Variants in JAZF1 observed in about 807,000 individuals in gnomAD.
JAZF1 encodes JAZF zinc finger 1, also known as juxtaposed with another zinc finger protein 1.
Under a neutral mutation model 26.4 loss-of-function variants are expected in JAZF1, and 8 were observed. The observed-to-expected ratio is 0.30, with a 90% CI of 0.18 to 0.55. The LOEUF is 0.55. Ranked by LOEUF, JAZF1 falls within the 20% of genes least tolerant of loss-of-function variation. JAZF1 has a pLI of 0.94. For missense variants in JAZF1, 199 were observed against 322.0 expected, an observed-to-expected ratio of 0.62 and a Z score of 2.92; for synonymous variants, 126 against 122.3, an observed-to-expected ratio of 1.03 and a Z score of -0.20.
At chr7:27,978,015 ATTAT>A (rs1444675890) in intron 2 of JAZF1, among the ~76,000 whole-genome samples, 1 of 152,204 alleles carries the variant, frequency 6.6e-6, no homozygotes, top group Non-Finnish European at 1.5e-5. Flanking sequence ...TGGAAATTTA[ATTAT>A]TTAAATATTT....
intron 2 of JAZF1, among the ~76,000 whole-genome samples, chr7:27,930,609 G>T (rs1438690755): frequency 6.6e-6 from 1 of 152,124 alleles, no homozygotes; most frequent in Non-Finnish European, 1.5e-5. Context: ...TTGGTTTTGT[G>T]ATATATTTTT....
chr7:28,037,999 C>T (rs931115149), intron 1 of JAZF1, among the ~76,000 whole-genome samples: 3 of 152,096 alleles, frequency 2.0e-5, no homozygotes, highest in African/African-American at 7.2e-5. Flanking sequence ...ATTTTCATTG[C>T]CAACATCACA....
intron 2 of JAZF1, among the ~76,000 whole-genome samples, chr7:27,927,768 T>C (rs369477716): frequency 1.3e-5 from 2 of 152,174 alleles, no homozygotes; most frequent in African/African-American, 2.4e-5. Context: ...ATGGTAGATA[T>C]GGTAATGCTG....
intron 1 of JAZF1, among the ~76,000 whole-genome samples, chr7:28,095,618 C>A (rs1220154269): frequency 1.3e-5 from 2 of 152,164 alleles, no homozygotes; most frequent in Admixed American, 6.5e-5. Flanking sequence ...CAAGTCCCTA[C>A]CTCAAGGAGT....
chr7:28,015,939 A>C (rs1782883195), intron 1 of JAZF1, among the ~76,000 whole-genome samples: 1 of 152,054 alleles, frequency 6.6e-6, no homozygotes, highest in Non-Finnish European at 1.5e-5. Flanking sequence ...CACACCCACC[A>C]CAGGCCCGGG....
At chr7:27,857,361 G>A (rs938829890) in intron 3 of JAZF1, among the ~76,000 whole-genome samples, 9 of 152,184 alleles carry the variant, frequency 5.9e-5, no homozygotes, top group Admixed American at 2.0e-4. Flanking sequence ...TGCAAGTGCC[G>A]CCCACAGCCC....
intron 2 of JAZF1, among the ~76,000 whole-genome samples, chr7:27,967,556 C>A (rs1785299652): frequency 6.6e-6 from 1 of 152,110 alleles, no homozygotes; most frequent in African/African-American, 2.4e-5. Flanking sequence ...AAATAACAAT[C>A]TACAAAAACA....
chr7:27,926,055 A>C (rs1232554657), intron 2 of JAZF1, among the ~76,000 whole-genome samples: 1 of 152,234 alleles, frequency 6.6e-6, no homozygotes, highest in East Asian at 1.9e-4. Flanking sequence ...TGTTATCATT[A>C]GGGCAGGCAG....
At chr7:27,851,611 T>A (rs1783151844) in intron 3 of JAZF1, among the ~76,000 whole-genome samples, 2 of 152,134 alleles carry the variant, frequency 1.3e-5, no homozygotes. Context: ...GGAAGATCAC[T>A]TGAGCCCAGG....
At chr7:28,021,175 G>A (rs1176682708) in intron 1 of JAZF1, among the ~76,000 whole-genome samples, 4 of 152,152 alleles carry the variant, frequency 2.6e-5, no homozygotes, top group Admixed American at 6.5e-5. Context: ...CACGGGCCGA[G>A]AGAGTTCTTG....
chr7:28,155,442 T>C (rs1783167904), intron 1 of JAZF1, among the ~76,000 whole-genome samples: 1 of 152,220 alleles, frequency 6.6e-6, no homozygotes, highest in South Asian at 2.1e-4. Context: ...AGTCCATTAA[T>C]TACCAAACTG....
chr7:27,856,386 G>A (rs1014853018), intron 3 of JAZF1, among the ~76,000 whole-genome samples: 2 of 152,242 alleles, frequency 1.3e-5, no homozygotes, highest in Non-Finnish European at 1.5e-5. Context: ...GACCCAAAGA[G>A]TGAGCAGCAG....
intron 1 of JAZF1, among the ~76,000 whole-genome samples, chr7:28,061,299 T>C (rs924835366): frequency 7.9e-5 from 12 of 152,238 alleles, no homozygotes; most frequent in African/African-American, 2.9e-4. Context: ...TAACATTCTC[T>C]CTTGTATGAT....
intron 1 of JAZF1, among the ~76,000 whole-genome samples, chr7:28,156,521 T>C (rs752686500): frequency 2.0e-5 from 3 of 152,236 alleles, no homozygotes; most frequent in Non-Finnish European, 2.9e-5. Context: ...AAAATGTTCA[T>C]TCAGTGAAGA....
At chr7:27,993,836 G>T (rs1474232703) in intron 1 of JAZF1, among the ~76,000 whole-genome samples, 1 of 152,156 alleles carries the variant, frequency 6.6e-6, no homozygotes. Context: ...GAGATATCTG[G>T]TGCATGATTT....
chr7:28,058,430 A>G (rs1236375795), intron 1 of JAZF1, among the ~76,000 whole-genome samples: 2 of 152,120 alleles, frequency 1.3e-5, no homozygotes, highest in Non-Finnish European at 2.9e-5. Flanking sequence ...CTCACCCTGA[A>G]GCATTCTGGA....
intron 1 of JAZF1, among the ~76,000 whole-genome samples, chr7:28,081,046 GT>G (rs1376002912): frequency 1.3e-5 from 2 of 152,136 alleles, no homozygotes; most frequent in African/African-American, 4.8e-5. Flanking sequence ...TAGTAAGCTG[GT>G]AAATTAGAGG....
intron 1 of JAZF1, among the ~76,000 whole-genome samples, chr7:28,000,455 G>C (rs1190277721): frequency 2.0e-5 from 3 of 152,144 alleles, no homozygotes; most frequent in Non-Finnish European, 4.4e-5. Flanking sequence ...ATGAGAAACA[G>C]AGCTATTGCT....
At chr7:27,872,884 C>T (rs1384697983) in intron 3 of JAZF1, among the ~76,000 whole-genome samples, 2 of 151,862 alleles carry the variant, frequency 1.3e-5, no homozygotes, top group Non-Finnish European at 2.9e-5. Context: ...TAGGGGATGG[C>T]AACAAAAAGT....
Sources: gnomAD v4.1 joint callset for allele counts (sites outside exome capture counted in the v4.1 genomes callset) on GRCh38, gnomAD v4.1.1 for gene constraint, MANE v1.5 for transcripts, NCBI Gene and HGNC (gene_info 2026-07-23, HGNC 2026-07-21) for gene names.